Variants in PALS2 observed in about 807,000 individuals in gnomAD.
The protein encoded by PALS2 is protein associated with LIN7 2, MAGUK p55 family member.
PALS2 carries 27 observed loss-of-function variants against 61.6 expected under a neutral mutation model. The observed-to-expected ratio is 0.44, with a 90% CI of 0.32 to 0.60. The LOEUF is 0.60. Ranked by LOEUF, PALS2 falls within the 20% of genes least tolerant of loss-of-function variation. The pLI is 0.05. For synonymous variants in PALS2, 236 were observed against 218.6 expected (o/e 1.08, Z -0.70); for missense variants, 554 against 639.4 (o/e 0.87, Z 1.44).
At position 24,647,955 on chromosome 7, in the gene PALS2, G is replaced by GT. The variant is rs1227721745; in HGVS notation, c.271-1656dup. 2.0e-5 allele frequency among the ~76,000 whole-genome samples: 3 copies of GT among 152,308 alleles called. No homozygotes were observed. The East Asian group carries it at 5.8e-4, about 29-fold the overall frequency. On this transcript the variant is annotated intron_variant, in intron 3 of 11. Coordinates refer to ENST00000222644, the MANE Select transcript of PALS2 (RefSeq NM_001303037.2). ...TTTAAGAGTTGTCAATGCATAAGTA[G>GT]TGGCTCAAGTCACAGGAGTAAATGA...
chr7:24,578,551 C>G (rs2128038359), intron 1 of PALS2, among the ~76,000 whole-genome samples: 1 of 152,326 alleles, frequency 6.6e-6, no homozygotes, highest in East Asian at 1.9e-4. Flanking sequence ...TATCGTTTCT[C>G]TCTTCTTCTC....
chr7:24,591,308 G>A (rs77286352), intron 1 of PALS2, among the ~76,000 whole-genome samples: 10,154 of 152,116 alleles, frequency 0.067, 405 homozygotes, highest in African/African-American at 0.11. Flanking sequence ...AGAGGGACAG[G>A]GTCAGGAATG....
At chr7:24,575,234 C>T (rs1363585403) in intron 1 of PALS2, among the ~76,000 whole-genome samples, 2 of 152,056 alleles carry the variant, frequency 1.3e-5, no homozygotes, top group Admixed American at 6.5e-5. Flanking sequence ...CTGATGCCAC[C>T]GAATTCTTGA....
intron 9 of PALS2, among the ~76,000 whole-genome samples, chr7:24,673,156 T>C (rs1458686902): frequency 6.6e-6 from 1 of 152,208 alleles, no homozygotes; most frequent in Admixed American, 6.5e-5. Flanking sequence ...TAATGGTTCA[T>C]ATGATTTTTG....
chr7:24,660,310 A>G (rs1456926166), intron 5 of PALS2, among the ~76,000 whole-genome samples: 1 of 152,062 alleles, frequency 6.6e-6, no homozygotes, highest in African/African-American at 2.4e-5. Flanking sequence ...CCTTCCCACT[A>G]CCAACCTAGT....
intron 5 of PALS2, 81 bp downstream of exon 5, chr7:24,650,793 C>A: frequency 2.0e-6 from 2 of 983,558 alleles, no homozygotes; most frequent in Non-Finnish European, 1.4e-6. Context: ...TCAGTTGCTA[C>A]TATTTTGCTA....
At chr7:24,582,913 A>G (rs1345061177) in intron 1 of PALS2, among the ~76,000 whole-genome samples, 2 of 88,134 alleles carry the variant, frequency 2.3e-5, no homozygotes, top group Non-Finnish European at 4.0e-5. Context: ...TTTTTTTGAG[A>G]CAGAGTCTTG....
At chr7:24,581,201 C>T (rs1263048182) in intron 1 of PALS2, among the ~76,000 whole-genome samples, 2 of 151,622 alleles carry the variant, frequency 1.3e-5, no homozygotes, top group African/African-American at 4.8e-5. Context: ...GTCTTCAAGG[C>T]TGGCATTTGA....
At chr7:24,594,536 G>T (rs555590683) in intron 1 of PALS2, among the ~76,000 whole-genome samples, 1 of 152,188 alleles carries the variant, frequency 6.6e-6, no homozygotes, top group East Asian at 1.9e-4. Context: ...AACTCTTAGA[G>T]ATTATTGTAG....
At chr7:24,611,580 A>G (rs559048507) in intron 1 of PALS2, among the ~76,000 whole-genome samples, 1 of 152,138 alleles carries the variant, frequency 6.6e-6, no homozygotes, top group South Asian at 2.1e-4. Context: ...TAGAGTTTAG[A>G]AAGGAAGTTG....
Position 24,652,995 on chromosome 7 carries a change from T to A in PALS2, c.651+2283T>A, listed in dbSNP as rs184184214. On this transcript the variant is annotated intron_variant, in intron 5 of 11. Coordinates refer to ENST00000222644, the MANE Select transcript of PALS2 (RefSeq NM_001303037.2). ...CTTCAACTTTCTTATAGCTTAGATT[T>A]CCGGGGGCTATTCGTAATTCCATTT... 3.9e-5 allele frequency among the ~76,000 whole-genome samples: 6 copies of A among 152,356 alleles called. No individual in the cohort carries two copies. In the East Asian group the frequency reaches 1.2e-3, roughly 29 times the overall value.
rs867979474 is a variant in PALS2, at chr7:24,651,330, G to A, written c.651+618G>A. On this transcript the variant is annotated intron_variant, in intron 5 of 11. Coordinates refer to ENST00000222644, the MANE Select transcript of PALS2 (RefSeq NM_001303037.2). ...AGGTGGCAGATTTTTGAAGGTGTGAGGTGATTTGTGAACAACAGCTCTAAT... is the reference window on the plus strand; with the variant it reads ...AGGTGGCAGATTTTTGAAGGTGTGAAGTGATTTGTGAACAACAGCTCTAAT... Among the ~76,000 whole-genome samples, 9 of 152,262 alleles carry A rather than the reference G, an allele frequency of 5.9e-5. No homozygotes were observed. The South Asian group carries it at 1.9e-3, about 32-fold the overall frequency.
intron 3 of PALS2, among the ~76,000 whole-genome samples, chr7:24,642,171 C>T (rs1429483420): frequency 6.6e-6 from 1 of 152,156 alleles, no homozygotes; most frequent in African/African-American, 2.4e-5. Flanking sequence ...CCATTTTCCT[C>T]ACTATGATAA....
At chr7:24,634,446 G>C (rs1193157396) in intron 2 of PALS2, among the ~76,000 whole-genome samples, 1 of 152,066 alleles carries the variant, frequency 6.6e-6, no homozygotes, top group East Asian at 1.9e-4. Flanking sequence ...TAGCCAGTAT[G>C]GTCTCGATCT....
intron 2 of PALS2, among the ~76,000 whole-genome samples, chr7:24,630,816 C>G (rs1562626337): frequency 6.6e-6 from 1 of 152,206 alleles, no homozygotes; most frequent in Non-Finnish European, 1.5e-5. Context: ...ACCTAGCTGA[C>G]AGCACATCTG....
Position 24,641,719 on chromosome 7 carries a change from C to T in PALS2, c.121C>T (p.His41Tyr). 1 of 1,601,540 alleles carries T rather than the reference C, an allele frequency of 6.2e-7. No homozygotes were observed. Among genetic ancestry groups the T allele is most frequent in the East Asian group, 2.2e-5 (1 of 44,640 alleles). ...TAATATACTCTTATTTTTTCAGGCT[C>T]ATGAGAGGCTAGAAGATTCCAAACT... ...NPIVKSLAKA[H>Y]ERLEDSKLEA... Residue 41 changes from histidine to tyrosine, a missense_variant, in exon 3 of 12, where the codon CAT becomes TAT. Transcript: ENST00000222644.
In PALS2 at chr7:24,650,485, G is replaced by C. The variant is rs1305327000; in HGVS notation, c.424G>C (p.Gly142Arg). Reference sequence around the variant, plus strand: ...GAAATCTGTTTCTTATTTTTCATAGGGTGTGACATTTAGGGTTGAAAATAA... The same window carrying C: ...GAAATCTGTTTCTTATTTTTCATAGCGTGTGACATTTAGGGTTGAAAATAA... ...GIHKRAGEPL[G>R]VTFRVENNDL... The change falls in exon 5 of 12, where the codon GGT (glycine) becomes CGT (arginine). Residue 142 changes from glycine (G) to arginine (R), a missense_variant and splice_region_variant. Coordinates refer to ENST00000222644, the MANE Select transcript of PALS2 (RefSeq NM_001303037.2). 1 of 1,580,076 alleles carries C rather than the reference G, an allele frequency of 6.3e-7. No individual in the cohort carries two copies. Among genetic ancestry groups the C allele is most frequent in the Admixed American group, 1.9e-5 (1 of 53,004 alleles).
rs114831992 is a variant in PALS2 at position 24,616,652 on chromosome 7, G to A, written c.-2-7014G>A. Among the ~76,000 whole-genome samples, 791 of 152,098 alleles carry A rather than the reference G, an allele frequency of 5.2e-3. 13 individuals are homozygous for A. The highest frequency in any genetic ancestry group is 0.018 in the African/African-American group (755 of 41,496). ...ATTTTTTAATTGGGGAATCCAATCC[G>A]TTTACAGCCAAGGGTGTTGTTGATA... is the stretch of plus-strand genomic sequence containing the variant. On this transcript the variant is annotated intron_variant, in intron 1 of 11. Transcript: ENST00000222644.
chr7:24,597,137 G>C (rs1783553763), intron 1 of PALS2: 1 of 152,094 alleles, frequency 6.6e-6, no homozygotes, highest in Non-Finnish European at 1.5e-5. Context: ...GTAAATTAAA[G>C]GCACCATCTT....
Sources: gnomAD v4.1 joint callset for allele counts (sites outside exome capture counted in the v4.1 genomes callset) on GRCh38, gnomAD v4.1.1 for gene constraint, MANE v1.5 for transcripts, NCBI Gene and HGNC (gene_info 2026-07-23, HGNC 2026-07-21) for gene names.